RMND5B: variants seen among roughly 807,000 people sequenced by gnomAD.
RMND5B encodes the protein required for meiotic nuclear division 5 homolog B.
RMND5B carries 42 observed loss-of-function variants against 50.4 expected under a neutral mutation model. That is an observed-to-expected ratio of 0.83 (90% CI 0.65 to 1.08). RMND5B has a LOEUF of 1.08. Ranked by LOEUF, RMND5B falls within the 50% of genes least tolerant of loss-of-function variation. The pLI is 0.00. For synonymous variants in RMND5B, 220 were observed against 210.0 expected (o/e 1.05, Z -0.41); for missense variants, 463 against 508.5 (o/e 0.91, Z 0.86).
Position 178,150,384 on chromosome 5 carries a change from AT to A in RMND5B, c.*2364del, listed in dbSNP as rs58292208. On this transcript the variant is annotated 3_prime_UTR_variant, in exon 11 of 11. Coordinates refer to ENST00000313386, the MANE Select transcript of RMND5B (RefSeq NM_022762.5). ...TACCCAAGATCCACCCCCAGCCTCT[AT>A]TTTTTTTTTTTGAGACAGGGCCTCA... The A allele has an allele frequency of 0.27, 59,785 of 220,768 alleles. 5,690 individuals are homozygous for A. Among genetic ancestry groups the A allele is most frequent in the African/African-American group, 0.4 (16,739 of 41,910 alleles). 13.7% of individuals were successfully genotyped at this position (220,768 alleles called of 1,614,324 possible).
intron 2 of RMND5B, among the ~76,000 whole-genome samples, chr5:178,134,714 C>A (rs879708112): frequency 3.3e-5 from 5 of 152,212 alleles, no homozygotes; most frequent in African/African-American, 1.2e-4. Flanking sequence ...CACCTGTAAT[C>A]CCAGTGCTTT....
At chr5:178,145,846 A>G (rs990293232) in intron 7 of RMND5B, 1 of 403,362 alleles carries the variant, frequency 2.5e-6, no homozygotes, top group Non-Finnish European at 4.5e-6. Context: ...GGGGGAGGAA[A>G]GAGAACTGGA....
chr5:178,136,508 G>A (rs1284389391), intron 2 of RMND5B, among the ~76,000 whole-genome samples: 1 of 152,134 alleles, frequency 6.6e-6, no homozygotes, highest in Non-Finnish European at 1.5e-5. Context: ...AAGGAAAAAG[G>A]GAAGAAACAC....
intron 8 of RMND5B, chr5:178,147,292 T>C (rs369183690): frequency 8.4e-5 from 47 of 560,792 alleles, no homozygotes; most frequent in Non-Finnish European, 1.3e-4. Context: ...CCTAGAGCTA[T>C]AGGAAGTCTT....
In RMND5B at chr5:178,133,105, C is replaced by T. The variant is rs192090188; in HGVS notation, c.-13+1729C>T. Among the ~76,000 whole-genome samples, 582 of 152,096 alleles carry T rather than the reference C, an allele frequency of 3.8e-3. 4 individuals carry two copies. The highest frequency in any genetic ancestry group is 0.013 in the African/African-American group (529 of 41,500). On this transcript the variant is annotated intron_variant, in intron 2 of 10. Coordinates refer to ENST00000313386, the MANE Select transcript of RMND5B (RefSeq NM_022762.5). Reference sequence around the variant, plus strand: ...GTCTCAAACTCCTGACCTTGTGATCCGCCTGCCTCGGCCTCCCAAAGTGCT... The same window carrying T: ...GTCTCAAACTCCTGACCTTGTGATCTGCCTGCCTCGGCCTCCCAAAGTGCT...
rs1759027529 is a variant in RMND5B, at chr5:178,142,882, T to G, written c.316T>G (p.Ser106Ala). The G allele has an allele frequency of 1.1e-5, 18 of 1,614,190 alleles. No homozygotes were observed. Among genetic ancestry groups the G allele is most frequent in the Non-Finnish European group, 1.5e-5 (18 of 1,180,044 alleles). The change falls in exon 5 of 11, where the codon TCA (serine) becomes GCA (alanine). Residue 106 changes from serine to alanine, a missense_variant. By Grantham distance (99) the Ser-to-Ala change is moderately conservative (BLOSUM62 1). Transcript: ENST00000313386. ...NFDSEICGVV[S>A]DAVWDAREQQ... Reference sequence around the variant, plus strand: ...CGACTCTGAGATCTGTGGTGTTGTGTCAGATGCGGTGTGGGACGCGCGGGA... The same window carrying G: ...CGACTCTGAGATCTGTGGTGTTGTGGCAGATGCGGTGTGGGACGCGCGGGA...
chr5:178,134,772 G>T (rs1758523726), intron 2 of RMND5B, among the ~76,000 whole-genome samples: 1 of 151,410 alleles, frequency 6.6e-6, no homozygotes, highest in Non-Finnish European at 1.5e-5. Context: ...TTCGAGACCA[G>T]CCTGGCCAAA....
rs148682716 is a variant in RMND5B, at chr5:178,137,167, A to G, written c.-12-941A>G. 1.7e-3 allele frequency among the ~76,000 whole-genome samples: 259 copies of G among 152,258 alleles called. 1 individual carries two copies. Among genetic ancestry groups the G allele is most frequent in the African/African-American group, 6.0e-3 (251 of 41,536 alleles). On this transcript the variant is annotated intron_variant, in intron 2 of 10. Coordinates refer to ENST00000313386, the MANE Select transcript of RMND5B (RefSeq NM_022762.5). This position sits in a 1 kb window ranked among gnomAD's most constrained non-coding sequence, Gnocchi z 4.4. The stretch of plus-strand genomic sequence containing the variant: ...GTGAGGAAGCAGCATGTACCAGGGC[A>G]CGCAGCTATGAGACAGCAAGGGTTC...
chr5:178,147,420 C>G (rs6601221), intron 8 of RMND5B, 113 bp from the exon 9 acceptor site: 4 of 721,690 alleles, frequency 5.5e-6, no homozygotes, highest in Non-Finnish European at 9.4e-6. Context: ...CCGATTTGAC[C>G]GTGCACCATT....
At chr5:178,147,473 G>A (rs1320939615) in intron 8 of RMND5B, 60 bp from the exon 9 acceptor site, 2 of 1,373,342 alleles carry the variant, frequency 1.5e-6, no homozygotes, top group African/African-American at 2.9e-5. Context: ...ATGGCGCGCT[G>A]GCCCTTTTTG....
At chr5:178,136,496 G>A (rs886217761) in intron 2 of RMND5B, among the ~76,000 whole-genome samples, 4 of 152,140 alleles carry the variant, frequency 2.6e-5, no homozygotes, top group Non-Finnish European at 5.9e-5. Context: ...AGCATTAGCT[G>A]TAAGGAAAAA....
chr5:178,144,240 A>C, intron 7 of RMND5B, 132 bp downstream of exon 7: 37 of 885,884 alleles, frequency 4.2e-5, no homozygotes, highest in Middle Eastern at 3.4e-4. Flanking sequence ...CCCAACTAGA[A>C]ACTTCTCTGA....
intron 2 of RMND5B, among the ~76,000 whole-genome samples, chr5:178,131,669 G>A (rs978018580): frequency 2.0e-5 from 3 of 152,046 alleles, no homozygotes; most frequent in Admixed American, 6.6e-5. Context: ...GTCTAGCAGA[G>A]CATCTCTGAG....
intron 8 of RMND5B, chr5:178,147,206 G>A: frequency 3.0e-6 from 1 of 337,396 alleles, no homozygotes; most frequent in South Asian, 4.3e-5. Context: ...AGGCAGGCTG[G>A]GGCCCTTTGG....
In RMND5B at chr5:178,132,749, T is replaced by TTA. The variant is rs373639499; in HGVS notation, c.-13+1374_-13+1375insAT. Among the ~76,000 whole-genome samples the TTA allele has an allele frequency of 1.4e-3, 193 of 133,984 alleles. No individual in the cohort carries two copies. The South Asian group carries it at 0.016, about 11-fold the overall frequency. 87.9% of individuals were successfully genotyped at this position (133,984 alleles called of 152,430 possible). ...ACCCTGTCTCTCTCTTTTTTTTTTT[T>TTA]TTTTTAAGCAACCCTATTAACTGAA... On this transcript the variant is annotated intron_variant, in intron 2 of 10. Transcript: ENST00000313386.
At chr5:178,132,426 G>A (rs1053093174) in intron 2 of RMND5B, among the ~76,000 whole-genome samples, 4 of 152,102 alleles carry the variant, frequency 2.6e-5, no homozygotes, top group African/African-American at 9.7e-5. Context: ...GGGCGACAGA[G>A]TAAGACTCTG....
At chr5:178,139,710 A>ATTTTTTTTTTTT (rs113719288) in intron 3 of RMND5B, among the ~76,000 whole-genome samples, 1 of 129,902 alleles carries the variant, frequency 7.7e-6, no homozygotes, top group Non-Finnish European at 1.6e-5. Context: ...TGCCTGGCTA[A>ATTTTTTTTTTTT]TTTTTTTTTT....
At position 178,148,418 on chromosome 5, in the gene RMND5B, C is replaced by T. The variant is rs1038539203; in HGVS notation, c.*386C>T. 3.7e-5 allele frequency: 12 copies of T among 328,408 alleles called. No individual in the cohort carries two copies. The highest frequency in any genetic ancestry group is 6.5e-5 in the Non-Finnish European group (11 of 170,510). The allele number at this position is 328,408 out of a possible 1,614,324, so 20.3% of individuals were successfully genotyped here. On this transcript the variant is annotated 3_prime_UTR_variant, in exon 11 of 11. Transcript: ENST00000313386. ...TGCCAATGCTATGTCCACCCTTGCC[C>T]CTCGGCCCAAGAGTGTCCAGCGGTG... is the stretch of plus-strand genomic sequence containing the variant.
chr5:178,141,070 T>C (rs1182247152), intron 3 of RMND5B, among the ~76,000 whole-genome samples: 17 of 152,226 alleles, frequency 1.1e-4, no homozygotes, highest in Admixed American at 1.0e-3. Context: ...ACACTCATAT[T>C]CTTATTTTAT....
Sources: allele counts gnomAD v4.1 joint callset (sites outside exome capture counted in the v4.1 genomes callset), GRCh38; gene constraint gnomAD v4.1.1; non-coding constraint Gnocchi (gnomAD v3.1); transcripts MANE v1.5; gene names NCBI Gene and HGNC (gene_info 2026-07-23, HGNC 2026-07-21).